The following COL5A2 variants were observed in gnomAD, a reference collection of about 807,000 sequenced individuals.
COL5A2 encodes collagen type V alpha 2 chain.
Under a neutral mutation model 208.2 loss-of-function variants are expected in COL5A2, and 23 were observed. The observed-to-expected ratio is 0.11, with a 90% CI of 0.08 to 0.16. The LOEUF is 0.16. Ranked by LOEUF, COL5A2 falls within the 10% of genes least tolerant of loss-of-function variation. COL5A2 has a pLI of 1.00. For missense variants in COL5A2, 1,590 were observed against 1,956.4 expected, an observed-to-expected ratio of 0.81 and a Z score of 3.53; for synonymous variants, 625 against 628.5, an observed-to-expected ratio of 0.99 and a Z score of 0.08.
chr2:189,408,730 A>G, the COL5A2 span, among the ~76,000 whole-genome samples: 2 of 152,228 alleles, frequency 1.3e-5, no homozygotes, highest in East Asian at 3.8e-4. Context: ...GGTCTCATGT[A>G]GAACAGCGGC....
chr2:189,037,560 T>C (rs1371197538), intron 51 of COL5A2, among the ~76,000 whole-genome samples: 2 of 152,226 alleles, frequency 1.3e-5, no homozygotes, highest in Non-Finnish European at 2.9e-5. Context: ...CTTAAATTCT[T>C]AGGCTCTTTG....
At chr2:189,085,852 A>T in intron 9 of COL5A2, 80 bp from the exon 10 acceptor site, 1 of 1,189,638 alleles carries the variant, frequency 8.4e-7, no homozygotes, top group South Asian at 1.2e-5. Context: ...TATACAGTGT[A>T]ATTGTTTAGA....
chr2:189,142,008 A>T (rs867723633), intron 1 of COL5A2, among the ~76,000 whole-genome samples: 84 of 152,266 alleles, frequency 5.5e-4, no homozygotes, highest in African/African-American at 1.9e-3. Flanking sequence ...ATGGTGAGAG[A>T]TAATATAAAT....
chr2:189,182,768 C>T (rs185362676), upstream of COL5A2, among the ~76,000 whole-genome samples: 21 of 152,098 alleles, frequency 1.4e-4, no homozygotes, highest in Admixed American at 3.3e-4. Context: ...TCCCTTTCTC[C>T]GAACTTCTGC....
the COL5A2 span, among the ~76,000 whole-genome samples, chr2:189,352,930 T>C: frequency 2.0e-5 from 3 of 152,210 alleles, no homozygotes; most frequent in East Asian, 5.8e-4. Context: ...AGGTCTTACG[T>C]TTAAGTCTTT....
At chr2:189,135,421 C>G (rs1024527129) in intron 1 of COL5A2, among the ~76,000 whole-genome samples, 5 of 152,158 alleles carry the variant, frequency 3.3e-5, no homozygotes, top group Admixed American at 6.5e-5. Flanking sequence ...GAGTACATAT[C>G]TGGTAAAAGA....
At chr2:189,124,195 C>T (rs765847979) in intron 1 of COL5A2, among the ~76,000 whole-genome samples, 55 of 152,036 alleles carry the variant, frequency 3.6e-4, no homozygotes, top group Non-Finnish European at 6.9e-4. Flanking sequence ...ATTGCGAACC[C>T]CATTCTTTCT....
the COL5A2 span, among the ~76,000 whole-genome samples, chr2:189,371,700 C>T: frequency 2.0e-5 from 3 of 152,082 alleles, no homozygotes; most frequent in African/African-American, 7.2e-5. Context: ...CAGTGTGTGG[C>T]CTAGCTGCTT....
chr2:189,191,512 G>GT (rs1688929180), intron 1 of COL5A2, among the ~76,000 whole-genome samples: 2 of 151,976 alleles, frequency 1.3e-5, no homozygotes, highest in Non-Finnish European at 2.9e-5. Flanking sequence ...ATGGTGGGGG[G>GT]CACCAGTAGT....
At chr2:189,039,875 T>G (rs1288737296) in intron 50 of COL5A2, among the ~76,000 whole-genome samples, 1 of 152,160 alleles carries the variant, frequency 6.6e-6, no homozygotes, top group Non-Finnish European at 1.5e-5. Flanking sequence ...GTTAATAGCA[T>G]GCAGATATGT....
chr2:189,373,138 C>T, the COL5A2 span, among the ~76,000 whole-genome samples: 1 of 152,106 alleles, frequency 6.6e-6, no homozygotes, highest in Non-Finnish European at 1.5e-5. Context: ...TTCTGTATTA[C>T]CTCATTTTCT....
the COL5A2 span, among the ~76,000 whole-genome samples, chr2:189,333,597 T>G: frequency 1.5e-4 from 23 of 152,142 alleles, no homozygotes; most frequent in Non-Finnish European, 2.6e-4. Context: ...TGTAACTTTA[T>G]TTGGACTTTG....
intron 51 of COL5A2, among the ~76,000 whole-genome samples, chr2:189,038,087 G>A (rs1685478998): frequency 1.3e-5 from 2 of 151,914 alleles, no homozygotes; most frequent in African/African-American, 4.8e-5. Flanking sequence ...TTGTTACATG[G>A]GGATATTGTA....
the COL5A2 span, among the ~76,000 whole-genome samples, chr2:189,322,052 C>T: frequency 6.6e-6 from 1 of 152,204 alleles, no homozygotes; most frequent in South Asian, 2.1e-4. Context: ...TACATGGAAA[C>T]TGAACAACCT....
the COL5A2 span, among the ~76,000 whole-genome samples, chr2:189,321,178 G>C: frequency 6.6e-6 from 1 of 152,140 alleles, no homozygotes; most frequent in Non-Finnish European, 1.5e-5. Context: ...ACTAAACATG[G>C]AGAGGAACAA....
intron 1 of COL5A2, among the ~76,000 whole-genome samples, chr2:189,172,076 T>G (rs1387665667): frequency 6.6e-6 from 1 of 152,092 alleles, no homozygotes; most frequent in Non-Finnish European, 1.5e-5. Context: ...CTAGACCAGC[T>G]TAAGTGGAAA....
the COL5A2 span, among the ~76,000 whole-genome samples, chr2:189,235,572 C>G: frequency 1.3e-5 from 2 of 151,750 alleles, no homozygotes; most frequent in Non-Finnish European, 2.9e-5. Flanking sequence ...CAATATGTGT[C>G]CTTTTACATC....
At chr2:189,108,440 C>T (rs949729275) in intron 2 of COL5A2, among the ~76,000 whole-genome samples, 1 of 151,868 alleles carries the variant, frequency 6.6e-6, no homozygotes, top group Non-Finnish European at 1.5e-5. Context: ...CCACTGTCTT[C>T]TGACACTGGA....
rs1418275266 is a variant in COL5A2, at chr2:189,033,482, T to G, written c.*588A>C. ...TCTATTTAAGACAGTGAGAAACGTT[T>G]TTTTTTTTTTAAGATTCTCCTTAAA... On this transcript the variant is annotated 3_prime_UTR_variant, in exon 54 of 54. Coordinates refer to ENST00000374866, the MANE Select transcript of COL5A2 (RefSeq NM_000393.5). 1 of 149,116 alleles carries G rather than the reference T, an allele frequency of 6.7e-6. No individual in the cohort carries two copies. 9.2% of individuals were successfully genotyped at this position (149,116 alleles called of 1,614,324 possible). A position where few individuals can be genotyped will look rare whatever the true frequency, so the allele number is the denominator to read the frequency against.
Sources: allele counts gnomAD v4.1 joint callset (sites outside exome capture counted in the v4.1 genomes callset), GRCh38; gene constraint gnomAD v4.1.1; transcripts MANE v1.5; gene names NCBI Gene and HGNC (gene_info 2026-07-23, HGNC 2026-07-21).